KCND2: variants seen among roughly 807,000 people sequenced by gnomAD.
The protein encoded by KCND2 is potassium voltage-gated channel subfamily D member 2, also known as A-type voltage-gated potassium channel KCND2.
A neutral mutation model predicts 54.4 loss-of-function variants in KCND2; 16 were observed. The ratio of observed to expected loss-of-function variants is 0.29; its 90% CI spans 0.20 to 0.45. KCND2 has a LOEUF of 0.45. KCND2 is among the 20% of genes least tolerant of loss of function. KCND2 has a pLI of 1.00. For synonymous variants in KCND2, 317 were observed against 310.7 expected (o/e 1.02, Z -0.21); for missense variants, 486 against 824.2 (o/e 0.59, Z 5.02).
intron 1 of KCND2, among the ~76,000 whole-genome samples, chr7:120,548,877 G>C (rs899685986): frequency 6.6e-6 from 1 of 152,106 alleles, no homozygotes; most frequent in African/African-American, 2.4e-5. Context: ...GGCAGATGCT[G>C]AGCATCATAC....
chr7:120,569,447 T>C (rs1267012827), intron 1 of KCND2, among the ~76,000 whole-genome samples: 1 of 152,170 alleles, frequency 6.6e-6, no homozygotes, highest in African/African-American at 2.4e-5. Flanking sequence ...TTTATATTGG[T>C]ACAAGTCAAC....
At chr7:120,301,458 G>A (rs1187869000) in intron 1 of KCND2, among the ~76,000 whole-genome samples, 4 of 151,768 alleles carry the variant, frequency 2.6e-5, no homozygotes, top group South Asian at 2.1e-4. Context: ...TTGATAAGTC[G>A]CCATCTAAAA....
chr7:120,450,507 A>G (rs1259135095), intron 1 of KCND2, among the ~76,000 whole-genome samples: 1 of 152,184 alleles, frequency 6.6e-6, no homozygotes, highest in African/African-American at 2.4e-5. Context: ...AAACTAGCAG[A>G]GAAGGAGTAC....
chr7:120,731,079 C>G (rs559157389), intron 1 of KCND2, among the ~76,000 whole-genome samples: 121 of 152,244 alleles, frequency 7.9e-4, no homozygotes, highest in African/African-American at 2.8e-3. Flanking sequence ...AGAACTCCTC[C>G]TTGTCCCCCG....
At chr7:120,496,937 T>C (rs1802856749) in intron 1 of KCND2, among the ~76,000 whole-genome samples, 1 of 152,214 alleles carries the variant, frequency 6.6e-6, no homozygotes, top group African/African-American at 2.4e-5. Context: ...TTGAGCTGAA[T>C]ACAATTCATT....
intron 1 of KCND2, among the ~76,000 whole-genome samples, chr7:120,589,358 CA>C (rs1417727308): frequency 1.3e-5 from 2 of 152,002 alleles, no homozygotes; most frequent in Non-Finnish European, 2.9e-5. Flanking sequence ...ACCATTCTTA[CA>C]AAAAATACAC....
intron 1 of KCND2, among the ~76,000 whole-genome samples, chr7:120,447,258 C>T (rs1802030180): frequency 6.6e-6 from 1 of 150,718 alleles, no homozygotes; most frequent in Admixed American, 6.7e-5. Context: ...CATTCACGTT[C>T]TTAGTCTCTC....
At chr7:120,364,944 G>A (rs1800645357) in intron 1 of KCND2, among the ~76,000 whole-genome samples, 1 of 151,850 alleles carries the variant, frequency 6.6e-6, no homozygotes, top group Non-Finnish European at 1.5e-5. Flanking sequence ...ATTTTGTAAG[G>A]AGCAAAAAGA....
intron 1 of KCND2, among the ~76,000 whole-genome samples, chr7:120,348,763 C>T (rs1298112950): frequency 6.6e-6 from 1 of 152,130 alleles, no homozygotes; most frequent in African/African-American, 2.4e-5. Flanking sequence ...AGGGATTATT[C>T]ATATCTTTAC....
At chr7:120,698,521 G>T (rs1036835357) in intron 1 of KCND2, among the ~76,000 whole-genome samples, 1 of 152,186 alleles carries the variant, frequency 6.6e-6, no homozygotes, top group Non-Finnish European at 1.5e-5. Flanking sequence ...TGCCTGGCAG[G>T]CATTACACTG....
intron 1 of KCND2, among the ~76,000 whole-genome samples, chr7:120,418,565 A>AGAT (rs1469885784): frequency 1.3e-5 from 2 of 152,122 alleles, no homozygotes; most frequent in Non-Finnish European, 2.9e-5. Flanking sequence ...CTCATTACTC[A>AGAT]GATGACCCCA....
intron 1 of KCND2, among the ~76,000 whole-genome samples, chr7:120,639,727 A>G (rs552454962): frequency 6.6e-6 from 1 of 152,296 alleles, no homozygotes; most frequent in Non-Finnish European, 1.5e-5. Context: ...TTAAAGCCGA[A>G]AAGTTTGTCT....
In KCND2 at chr7:120,336,271, C is replaced by T. The variant is rs140723217; in HGVS notation, c.1115+60524C>T. Among the ~76,000 whole-genome samples, 62 of 152,310 alleles carry T rather than the reference C, an allele frequency of 4.1e-4. 1 individual carries two copies. In the East Asian group the frequency reaches 0.011, roughly 27 times the overall value. On this transcript the variant is annotated intron_variant, in intron 1 of 5. Coordinates refer to ENST00000331113, the MANE Select transcript of KCND2 (RefSeq NM_012281.3). ...TCTGTTAATAATTACCCCGCTTTCGCAGTCCCAATCTCTTAAATTTGGGAT... is the reference window on the plus strand; with the variant it reads ...TCTGTTAATAATTACCCCGCTTTCGTAGTCCCAATCTCTTAAATTTGGGAT...
At chr7:120,582,522 C>T (rs2116445349) in intron 1 of KCND2, among the ~76,000 whole-genome samples, 1 of 152,184 alleles carries the variant, frequency 6.6e-6, no homozygotes, top group Non-Finnish European at 1.5e-5. Flanking sequence ...CCGCTTTCTG[C>T]TCACACCACA....
intron 1 of KCND2, among the ~76,000 whole-genome samples, chr7:120,568,916 G>A (rs899904141): frequency 4.6e-5 from 7 of 151,810 alleles, no homozygotes; most frequent in African/African-American, 1.4e-4. Context: ...GTTTCCCCTC[G>A]CAATTCTTAG....
intron 1 of KCND2, among the ~76,000 whole-genome samples, chr7:120,658,288 G>T (rs1791826939): frequency 6.6e-6 from 1 of 152,094 alleles, no homozygotes; most frequent in African/African-American, 2.4e-5. Flanking sequence ...AAAAATCTCT[G>T]CATTTGTACT....
chr7:120,637,323 A>G (rs544477427), intron 1 of KCND2, among the ~76,000 whole-genome samples: 2 of 152,280 alleles, frequency 1.3e-5, no homozygotes, highest in East Asian at 3.9e-4. Flanking sequence ...TTTGCTTCTT[A>G]CTTGCTAGAT....
chr7:120,543,817 C>T (rs1792011795), intron 1 of KCND2, among the ~76,000 whole-genome samples: 1 of 151,920 alleles, frequency 6.6e-6, no homozygotes, highest in Non-Finnish European at 1.5e-5. Flanking sequence ...TGTTTTCAGC[C>T]AATCTGTCTT....
intron 1 of KCND2, among the ~76,000 whole-genome samples, chr7:120,635,008 G>C (rs1289649391): frequency 6.6e-6 from 1 of 152,098 alleles, no homozygotes; most frequent in Non-Finnish European, 1.5e-5. Context: ...GATTTCTATC[G>C]ATCTTCAAAA....
Sources: allele counts gnomAD v4.1 joint callset (sites outside exome capture counted in the v4.1 genomes callset), GRCh38; gene constraint gnomAD v4.1.1; transcripts MANE v1.5; gene names NCBI Gene and HGNC (gene_info 2026-07-23, HGNC 2026-07-21).